CACNA2D3: variants seen among roughly 807,000 people sequenced by gnomAD.
CACNA2D3 encodes voltage-dependent calcium channel subunit alpha-2/delta-3.
Under a neutral mutation model 160.6 loss-of-function variants are expected in CACNA2D3, and 60 were observed. That is an observed-to-expected ratio of 0.37 (90% CI 0.30 to 0.46). CACNA2D3 has a LOEUF of 0.46. CACNA2D3 is among the 20% of genes least tolerant of loss of function. The pLI is 1.00. For synonymous variants in CACNA2D3, 558 were observed against 492.9 expected, an observed-to-expected ratio of 1.13 and a Z score of -1.75; for missense variants, 1,205 against 1,365.0, an observed-to-expected ratio of 0.88 and a Z score of 1.85.
intron 10 of CACNA2D3, among the ~76,000 whole-genome samples, chr3:54,634,959 TAAAAC>T (rs1274986415): frequency 2.6e-5 from 4 of 151,894 alleles, no homozygotes; most frequent in African/African-American, 4.9e-5. Context: ...ATAAGAAAAA[TAAAAC>T]AAGATAGTGT....
intron 11 of CACNA2D3, among the ~76,000 whole-genome samples, chr3:54,738,147 G>C (rs749830918): frequency 6.6e-6 from 1 of 152,176 alleles, no homozygotes; most frequent in Non-Finnish European, 1.5e-5. Context: ...TTCCAAATAA[G>C]TCATTTGTTT....
At chr3:54,297,331 G>T (rs2107485294) in intron 2 of CACNA2D3, among the ~76,000 whole-genome samples, 1 of 152,128 alleles carries the variant, frequency 6.6e-6, no homozygotes, top group East Asian at 1.9e-4. Flanking sequence ...TTAAGCCTAG[G>T]GCTGCTGCAG....
rs200430106 is a variant in CACNA2D3, at chr3:55,048,702, A to G, written c.2988-24743A>G. 5.7e-5 allele frequency among the ~76,000 whole-genome samples: 8 copies of G among 140,506 alleles called. 1 individual carries two copies. Among genetic ancestry groups the G allele is most frequent in the Non-Finnish European group, 1.2e-4 (8 of 64,322 alleles). 92.2% of individuals were successfully genotyped at this position (140,506 alleles called of 152,430 possible). A position where few individuals can be genotyped will look rare whatever the true frequency, so the allele number is the denominator to read the frequency against. ...GTACCAGTTCCTCCTTGCACCTCTG[A>G]TAGAATTCGGCTGTGAATCCATCTG... On this transcript the variant is annotated intron_variant, in intron 35 of 37. Transcript: ENST00000474759.
At chr3:54,349,245 T>C (rs1348754798) in intron 3 of CACNA2D3, among the ~76,000 whole-genome samples, 1 of 152,124 alleles carries the variant, frequency 6.6e-6, no homozygotes, top group Non-Finnish European at 1.5e-5. Context: ...GAGGGTGGCA[T>C]GAAGCAGAGC....
intron 4 of CACNA2D3, among the ~76,000 whole-genome samples, chr3:54,481,734 G>A (rs1416146372): frequency 1.3e-5 from 2 of 152,216 alleles, no homozygotes; most frequent in South Asian, 2.1e-4. Flanking sequence ...GCTTTATGAA[G>A]TGAATAAATT....
At chr3:54,205,625 A>G (rs1701262871) in intron 2 of CACNA2D3, among the ~76,000 whole-genome samples, 2 of 152,220 alleles carry the variant, frequency 1.3e-5, no homozygotes, top group Non-Finnish European at 2.9e-5. Flanking sequence ...GCATCACTTG[A>G]TAATGCCTAT....
intron 17 of CACNA2D3, among the ~76,000 whole-genome samples, chr3:54,860,348 C>T (rs763458993): frequency 5.0e-4 from 76 of 152,248 alleles, no homozygotes; most frequent in Middle Eastern, 6.8e-3. Flanking sequence ...CAAATGCCTG[C>T]TTCTCCCAAA....
chr3:55,048,991 CTT>C (rs1007267671), intron 35 of CACNA2D3, among the ~76,000 whole-genome samples: 11 of 146,536 alleles, frequency 7.5e-5, no homozygotes, highest in African/African-American at 2.8e-4. Flanking sequence ...ATTCTTCTCT[CTT>C]TTTTTCTTTA....
intron 11 of CACNA2D3, among the ~76,000 whole-genome samples, chr3:54,717,645 G>A (rs879497238): frequency 8.4e-5 from 12 of 143,154 alleles, no homozygotes; most frequent in Middle Eastern, 4.0e-3. Context: ...TGGTGTGTGC[G>A]TGTCTGGTGC....
intron 11 of CACNA2D3, among the ~76,000 whole-genome samples, chr3:54,670,984 TC>T (rs1214265138): frequency 6.6e-6 from 1 of 152,160 alleles, no homozygotes; most frequent in Non-Finnish European, 1.5e-5. Context: ...TTATTAATAA[TC>T]TGGTGGTGGA....
At chr3:54,300,787 G>A (rs1369312940) in intron 2 of CACNA2D3, among the ~76,000 whole-genome samples, 1 of 152,136 alleles carries the variant, frequency 6.6e-6, no homozygotes, top group African/African-American at 2.4e-5. Context: ...GACTGAGGTA[G>A]GAGGATCACT....
intron 2 of CACNA2D3, among the ~76,000 whole-genome samples, chr3:54,264,949 G>A (rs1240963674): frequency 1.3e-5 from 2 of 152,156 alleles, no homozygotes; most frequent in African/African-American, 4.8e-5. Flanking sequence ...ATTCCATGGT[G>A]TATATGTGCC....
chr3:54,358,960 C>G (rs1163886373), intron 3 of CACNA2D3, among the ~76,000 whole-genome samples: 1 of 152,136 alleles, frequency 6.6e-6, no homozygotes, highest in South Asian at 2.1e-4. Context: ...TCCTTCCACT[C>G]AACCACCCTT....
chr3:54,890,508 A>G (rs936107503), intron 24 of CACNA2D3, among the ~76,000 whole-genome samples: 1 of 151,546 alleles, frequency 6.6e-6, no homozygotes, highest in Non-Finnish European at 1.5e-5. Context: ...AAAAAAAAAA[A>G]AAAAAAGAAA....
chr3:55,025,573 G>A (rs1703547624), intron 35 of CACNA2D3, among the ~76,000 whole-genome samples: 1 of 144,404 alleles, frequency 6.9e-6, no homozygotes, highest in Non-Finnish European at 1.5e-5. Context: ...GGCGGAGGTT[G>A]CAGTGAGCCA....
intron 2 of CACNA2D3, among the ~76,000 whole-genome samples, chr3:54,252,040 A>G (rs528156912): frequency 6.7e-5 from 10 of 149,344 alleles, no homozygotes; most frequent in Admixed American, 5.3e-4. Context: ...TGAGCTCCCA[A>G]GATACACTGT....
intron 11 of CACNA2D3, among the ~76,000 whole-genome samples, chr3:54,719,112 C>G (rs1245860191): frequency 1.3e-5 from 2 of 149,748 alleles, no homozygotes; most frequent in East Asian, 3.9e-4. Flanking sequence ...TTTCTACTTT[C>G]CCAATCTATA....
intron 11 of CACNA2D3, among the ~76,000 whole-genome samples, chr3:54,737,801 A>T (rs368388560): frequency 6.6e-6 from 1 of 152,148 alleles, no homozygotes. Context: ...AGTAGCTGGG[A>T]TTGTAGGTGT....
At chr3:54,816,961 C>T in intron 14 of CACNA2D3, 91 bp downstream of exon 14, 2 of 1,438,162 alleles carry the variant, frequency 1.4e-6, no homozygotes, top group African/African-American at 1.4e-5. Flanking sequence ...CTGTTCATGA[C>T]CAGTGAAATG....
Sources: gnomAD v4.1 joint callset for allele counts (sites outside exome capture counted in the v4.1 genomes callset) on GRCh38, gnomAD v4.1.1 for gene constraint, MANE v1.5 for transcripts, NCBI Gene and HGNC (gene_info 2026-07-23, HGNC 2026-07-21) for gene names.